The following C16orf74 variants were observed in gnomAD, a reference collection of about 807,000 sequenced individuals.
C16orf74 encodes uncharacterized protein C16orf74.
C16orf74 carries 10 observed loss-of-function variants against 6.5 expected under a neutral mutation model. The ratio of observed to expected loss-of-function variants is 1.54; its 90% CI spans 0.95 to 2.61. The LOEUF is 2.61. C16orf74 is among the 30% of genes most tolerant of loss of function. C16orf74 has a pLI of 0.00. For missense variants in C16orf74, 141 were observed against 105.9 expected, an observed-to-expected ratio of 1.33 and a Z score of -1.45; for synonymous variants, 60 against 42.5, an observed-to-expected ratio of 1.41 and a Z score of -1.60.
chr16:85,740,691 CAAAAA>C (rs59658163), intron 1 of C16orf74, among the ~76,000 whole-genome samples: 73,742 of 130,788 alleles, frequency 0.56, 21,171 homozygotes, highest in East Asian at 0.78. Flanking sequence ...GACTCTGTTT[CAAAAA>C]AAAAAAAAAA....
rs10554549 is a variant in C16orf74, at chr16:85,745,139, TAAAAAAAAAAAA to T, written c.-19+5775_-19+5786del. 1.4e-4 allele frequency among the ~76,000 whole-genome samples: 7 copies of T among 51,010 alleles called. No homozygotes were observed. The East Asian group carries it at 2.1e-3, about 15-fold the overall frequency. 33.5% of individuals were successfully genotyped at this position (51,010 alleles called of 152,430 possible). On this transcript the variant is annotated intron_variant, in intron 1 of 3. Coordinates refer to ENST00000284245, the MANE Select transcript of C16orf74 (RefSeq NM_206967.3). ...CTGGGCAACAAGACGAAACTCTGTC[TAAAAAAAAAAAA>T]AAAAAAAAAAAAAAAAATCTCCCTG...
intron 2 of C16orf74, among the ~76,000 whole-genome samples, chr16:85,715,077 A>C (rs1159049808): frequency 6.6e-6 from 1 of 151,512 alleles, no homozygotes; most frequent in African/African-American, 2.4e-5. Flanking sequence ...GAATGGCGTG[A>C]ACCCGGGAGG....
chr16:85,709,969 G>A (rs1050265171), intron 3 of C16orf74, among the ~76,000 whole-genome samples, 195 bp downstream of exon 3: 5 of 152,250 alleles, frequency 3.3e-5, no homozygotes, highest in African/African-American at 9.6e-5. Flanking sequence ...TTAACACGCC[G>A]CGTCGTGCTG....
chr16:85,742,088 G>A (rs1026321636), intron 1 of C16orf74, among the ~76,000 whole-genome samples: 1 of 152,104 alleles, frequency 6.6e-6, no homozygotes, highest in Non-Finnish European at 1.5e-5. Context: ...AAAGAAGCCT[G>A]GTGGCTGGGC....
intron 1 of C16orf74, among the ~76,000 whole-genome samples, chr16:85,750,359 C>T (rs1396201858): frequency 6.6e-6 from 1 of 152,024 alleles, no homozygotes; most frequent in Non-Finnish European, 1.5e-5. Context: ...TGAGACCTCC[C>T]CTAGTTCCGC....
chr16:85,714,393 ATTTATTTATTATTTAT>A (rs753880542), intron 2 of C16orf74, among the ~76,000 whole-genome samples: 8,487 of 80,554 alleles, frequency 0.11, 358 homozygotes, highest in South Asian at 0.13. Context: ...TTATTTATTT[ATTTATTTATTATTTAT>A]TTATTTATTT....
intron 2 of C16orf74, among the ~76,000 whole-genome samples, chr16:85,724,505 T>G (rs2054113683): frequency 6.6e-6 from 1 of 152,110 alleles, no homozygotes; most frequent in South Asian, 2.1e-4. Flanking sequence ...TCAGCTTCTG[T>G]ATCTACAGTG....
chr16:85,716,278 GGAGGGAAGGAGGA>G lies in C16orf74; in HGVS notation c.29-5984_29-5972del, dbSNP rs979017789. ...GGAGAGGAGGAAAGGAGGAGAGAAC[GGAGGGAAGGAGGA>G]GAGGGAAGGAGGGAGAAGAGGGAGG... On this transcript the variant is annotated intron_variant, in intron 2 of 3. Coordinates refer to ENST00000284245, the MANE Select transcript of C16orf74 (RefSeq NM_206967.3). Among the ~76,000 whole-genome samples, 19 of 150,520 alleles carry G rather than the reference GGAGGGAAGGAGGA, an allele frequency of 1.3e-4. No homozygotes were observed. In the South Asian group the frequency reaches 3.4e-3, roughly 27 times the overall value.
At chr16:85,720,842 C>G (rs2054075231) in intron 2 of C16orf74, among the ~76,000 whole-genome samples, 2 of 150,798 alleles carry the variant, frequency 1.3e-5, no homozygotes, top group Admixed American at 1.3e-4. Context: ...AATCCCAGCA[C>G]TTTGGGAGGC....
intron 2 of C16orf74, among the ~76,000 whole-genome samples, chr16:85,722,916 G>A (rs2054097021): frequency 2.0e-5 from 3 of 152,268 alleles, no homozygotes; most frequent in Admixed American, 1.3e-4. Context: ...GTGTTATCCC[G>A]CCCAGCTCAT....
chr16:85,719,040 T>G (rs1023035296), intron 2 of C16orf74, among the ~76,000 whole-genome samples: 1 of 152,206 alleles, frequency 6.6e-6, no homozygotes, highest in African/African-American at 2.4e-5. Flanking sequence ...AAGGAGGACA[T>G]CCTCCATCTG....
chr16:85,747,157 T>A (rs960728693), intron 1 of C16orf74, among the ~76,000 whole-genome samples: 1 of 152,148 alleles, frequency 6.6e-6, no homozygotes. Flanking sequence ...TGGGCCACCG[T>A]GAAATAATAG....
intron 2 of C16orf74, among the ~76,000 whole-genome samples, chr16:85,726,027 C>T (rs938106227): frequency 3.3e-5 from 5 of 152,192 alleles, no homozygotes; most frequent in Admixed American, 6.5e-5. Flanking sequence ...GTGCTTGGTC[C>T]TGACTCAGGG....
chr16:85,746,895 A>G (rs2054379868), intron 1 of C16orf74, among the ~76,000 whole-genome samples: 1 of 152,334 alleles, frequency 6.6e-6, no homozygotes, highest in African/African-American at 2.4e-5. Context: ...AGCCAAAGGA[A>G]CTGGGTTGGG....
intron 2 of C16orf74, among the ~76,000 whole-genome samples, chr16:85,711,623 CAAA>C (rs57336507): frequency 0.036 from 4,032 of 111,000 alleles, 222 homozygotes; most frequent in African/African-American, 0.13. Context: ...AACTCTGTCT[CAAA>C]AAAAAAAAAA....
Position 85,730,999 on chromosome 16 carries a change from C to T in C16orf74, c.28+4191G>A, listed in dbSNP as rs539319979. 1.1e-3 allele frequency among the ~76,000 whole-genome samples: 165 copies of T among 152,242 alleles called. 1 individual carries two copies. The highest frequency in any genetic ancestry group is 3.9e-3 in the African/African-American group (162 of 41,532). On this transcript the variant is annotated intron_variant, in intron 2 of 3. Transcript: ENST00000284245. ...TAAAACATATTAAAAGTAATCGTACCCGTTTCTTTGTACCTTATTCATGGG... is the reference window on the plus strand; with the variant it reads ...TAAAACATATTAAAAGTAATCGTACTCGTTTCTTTGTACCTTATTCATGGG...
chr16:85,735,756 C>G (rs993057265), intron 1 of C16orf74, among the ~76,000 whole-genome samples: 46 of 151,874 alleles, frequency 3.0e-4, no homozygotes, highest in Admixed American at 5.9e-4. Flanking sequence ...TGTGGCCCCC[C>G]CAGCCCACGG....
At chr16:85,720,014 T>G (rs1222091681) in intron 2 of C16orf74, among the ~76,000 whole-genome samples, 7 of 151,684 alleles carry the variant, frequency 4.6e-5, no homozygotes, top group African/African-American at 1.7e-4. Context: ...AAAAGCAAAC[T>G]GATAAATTCC....
chr16:85,744,321 G>A (rs2054345800), intron 1 of C16orf74: 1 of 151,716 alleles, frequency 6.6e-6, no homozygotes, highest in South Asian at 2.1e-4. Context: ...GATACCCTTA[G>A]CTTGGCATGA....
Sources: gnomAD v4.1 joint callset for allele counts (sites outside exome capture counted in the v4.1 genomes callset) on GRCh38, gnomAD v4.1.1 for gene constraint, MANE v1.5 for transcripts, NCBI Gene and HGNC (gene_info 2026-07-23, HGNC 2026-07-21) for gene names.